PRICKLE1: variants seen among roughly 807,000 people sequenced by gnomAD.
The protein encoded by PRICKLE1 is prickle-like protein 1.
In PRICKLE1, 14 loss-of-function variants were observed where a neutral mutation model predicts 70.2. The ratio of observed to expected loss-of-function variants is 0.20; its 90% CI spans 0.13 to 0.31. The LOEUF (loss-of-function observed/expected upper bound fraction) is 0.31. Among genes scored for constraint, PRICKLE1 ranks in the 10% least tolerant of loss-of-function variants. The probability of loss-of-function intolerance (pLI) is 1.00; values close to 1 mark genes in which losing one functional copy is unlikely to be tolerated. For synonymous variants in PRICKLE1, 357 were observed against 379.9 expected (o/e 0.94, Z 0.70); for missense variants, 821 against 1,026.2 (o/e 0.80, Z 2.73).
intron 1 of PRICKLE1, among the ~76,000 whole-genome samples, chr12:42,500,095 A>G (rs1019714032): frequency 1.1e-4 from 17 of 152,116 alleles, no homozygotes; most frequent in Non-Finnish European, 2.2e-4. Flanking sequence ...GCCAGAAATG[A>G]AGCAATGATT....
chr12:42,571,361 G>C (rs181111338), intron 1 of PRICKLE1, among the ~76,000 whole-genome samples: 6 of 152,222 alleles, frequency 3.9e-5, no homozygotes, highest in African/African-American at 9.6e-5. Context: ...AAAATTACAG[G>C]CTTTGTCTCC....
intron 1 of PRICKLE1, among the ~76,000 whole-genome samples, chr12:42,506,567 CTTTTTTTT>C (rs139103281): frequency 0.018 from 1,167 of 64,564 alleles, 16 homozygotes; most frequent in African/African-American, 0.061. Flanking sequence ...CAATAGTGTT[CTTTTTTTT>C]TTTTTTTTTT....
At chr12:42,554,100 G>A (rs914754514) in intron 1 of PRICKLE1, among the ~76,000 whole-genome samples, 4 of 152,050 alleles carry the variant, frequency 2.6e-5, no homozygotes, top group Admixed American at 1.3e-4. Context: ...GTGAGACTCT[G>A]TCTCAAAACA....
intron 6 of PRICKLE1, 177 bp from the exon 7 acceptor site, chr12:42,465,435 T>C: frequency 1.6e-6 from 1 of 628,408 alleles, no homozygotes; most frequent in Non-Finnish European, 2.7e-6. Context: ...TGCCTACTCA[T>C]AAAAATTTAT....
In PRICKLE1 at chr12:42,464,325, T is replaced by G; in HGVS notation, c.1639+70A>C. On this transcript the variant is annotated intron_variant, in intron 7 of 7. Transcript: ENST00000345127. This position sits in a 1 kb window ranked among gnomAD's most constrained non-coding sequence, Gnocchi z 4.2. ...CATGAGCCACTGCGCCTGGCTTGAA[T>G]TGCAATTTTTTGAATACACTTTTTA... 5.0e-6 allele frequency: 8 copies of G among 1,599,776 alleles called. No individual in the cohort carries two copies. Among genetic ancestry groups the G allele is most frequent in the Non-Finnish European group, 6.8e-6 (8 of 1,168,038 alleles).
intron 1 of PRICKLE1, among the ~76,000 whole-genome samples, chr12:42,540,477 G>C (rs575803139): frequency 1.3e-5 from 2 of 152,208 alleles, no homozygotes; most frequent in South Asian, 4.1e-4. Flanking sequence ...CAAATATTTA[G>C]CATATAGTAA....
intron 1 of PRICKLE1, among the ~76,000 whole-genome samples, chr12:42,553,040 C>T (rs1566123840): frequency 6.6e-6 from 1 of 152,186 alleles, no homozygotes; most frequent in Non-Finnish European, 1.5e-5. Context: ...TCCTGCTGTG[C>T]GGCCCGGTTC....
chr12:42,571,437 C>A (rs1940710924), intron 1 of PRICKLE1, among the ~76,000 whole-genome samples: 1 of 152,186 alleles, frequency 6.6e-6, no homozygotes, highest in Admixed American at 6.5e-5. Context: ...AAGGGTGACA[C>A]CATCCAGCAC....
chr12:42,580,939 G>T (rs1325474380), intron 1 of PRICKLE1, among the ~76,000 whole-genome samples: 1 of 152,058 alleles, frequency 6.6e-6, no homozygotes, highest in Non-Finnish European at 1.5e-5. Context: ...AGGCAGAAAG[G>T]GAGAGAGAGA....
chr12:42,502,194 TAC>T (rs1267124620), intron 1 of PRICKLE1, among the ~76,000 whole-genome samples: 3 of 150,928 alleles, frequency 2.0e-5, no homozygotes, highest in East Asian at 1.9e-4. Context: ...TATACATATA[TAC>T]ACACACACCT....
At chr12:42,566,556 G>C (rs1281784402) in intron 1 of PRICKLE1, among the ~76,000 whole-genome samples, 1 of 152,128 alleles carries the variant, frequency 6.6e-6, no homozygotes, top group African/African-American at 2.4e-5. Context: ...TGACCACAGG[G>C]ATTCTCTCAA....
chr12:42,578,131 C>T (rs73277875), intron 1 of PRICKLE1, among the ~76,000 whole-genome samples: 3,995 of 152,236 alleles, frequency 0.026, 169 homozygotes, highest in African/African-American at 0.087. Flanking sequence ...ATGGTAATTT[C>T]TGGATAAATA....
intron 1 of PRICKLE1, among the ~76,000 whole-genome samples, chr12:42,508,977 T>C (rs982389852): frequency 6.6e-5 from 10 of 152,342 alleles, no homozygotes; most frequent in Non-Finnish European, 8.8e-5. Context: ...CAGTTGTATA[T>C]ATAGGGGCCA....
chr12:42,460,065 C>T lies in PRICKLE1; in HGVS notation c.2240G>A (p.Gly747Glu). 3 of 1,614,132 alleles carry T rather than the reference C, an allele frequency of 1.9e-6. No individual in the cohort carries two copies. The highest frequency in any genetic ancestry group is 2.2e-5 in the South Asian group (2 of 91,070). The stretch of plus-strand genomic sequence containing the variant: ...GTAGAGTCCCAGAAACCGATTCATT[C>T]CTGGGTTCTGCAGGCCATAATCGGA... ...ATSDYGLQNP[G>E]MNRFLGLYGE... is the part of the protein sequence containing the mutation. Residue 747 changes from glycine to glutamate, a missense_variant, in exon 8 of 8, where the codon GGA becomes GAA. Gly to Glu is a moderately conservative substitution (Grantham distance 98). Coordinates refer to ENST00000345127, the MANE Select transcript of PRICKLE1 (RefSeq NM_153026.3).
intron 1 of PRICKLE1, among the ~76,000 whole-genome samples, chr12:42,477,980 AT>A (rs1938636995): frequency 7.0e-6 from 1 of 142,924 alleles, no homozygotes; most frequent in Non-Finnish European, 1.5e-5. Flanking sequence ...TTTTGGTACA[AT>A]TTTATTTGGA....
At chr12:42,551,597 CT>C (rs1299100473) in intron 1 of PRICKLE1, among the ~76,000 whole-genome samples, 1 of 152,132 alleles carries the variant, frequency 6.6e-6, no homozygotes, top group Non-Finnish European at 1.5e-5. Flanking sequence ...AGGGTGCCAT[CT>C]CTGTATGATG....
chr12:42,514,882 G>T (rs186964555), intron 1 of PRICKLE1, among the ~76,000 whole-genome samples: 1 of 124,346 alleles, frequency 8.0e-6, no homozygotes, highest in African/African-American at 3.3e-5. Context: ...TTTTTTTAAG[G>T]CTCGCTCTAT....
intron 1 of PRICKLE1, chr12:42,484,093 G>A (rs1195543277): frequency 7.2e-6 from 1 of 137,936 alleles, no homozygotes; most frequent in African/African-American, 2.7e-5. Context: ...GATCCCAGCC[G>A]GACCCAGCTC....
intron 1 of PRICKLE1, among the ~76,000 whole-genome samples, chr12:42,496,810 T>C (rs1176440357): frequency 6.6e-6 from 1 of 152,170 alleles, no homozygotes; most frequent in Non-Finnish European, 1.5e-5. Flanking sequence ...TGGAAGAGAG[T>C]TAGGGCTTTG....
Sources: allele counts gnomAD v4.1 joint callset (sites outside exome capture counted in the v4.1 genomes callset), GRCh38; gene constraint gnomAD v4.1.1; non-coding constraint Gnocchi (gnomAD v3.1); transcripts MANE v1.5; gene names NCBI Gene and HGNC (gene_info 2026-07-23, HGNC 2026-07-21).